BABAM2: variants seen among roughly 807,000 people sequenced by gnomAD.
The protein encoded by BABAM2 is BRISC and BRCA1-A complex member 2.
BABAM2 carries 31 observed loss-of-function variants against 54.7 expected under a neutral mutation model. The observed-to-expected ratio is 0.57, with a 90% CI of 0.43 to 0.77. The LOEUF (loss-of-function observed/expected upper bound fraction) is 0.77, where lower values mean the gene tolerates loss of function less well. Ranked by LOEUF, BABAM2 falls within the 30% of genes least tolerant of loss-of-function variation. BABAM2 has a pLI of 0.00. For synonymous variants in BABAM2, 167 were observed against 162.9 expected (o/e 1.03, Z -0.19); for missense variants, 364 against 455.8 (o/e 0.80, Z 1.83).
In BABAM2 at chr2:27,995,650, G is replaced by T. The variant is rs1272545907; in HGVS notation, c.300+7563G>T. ...GCTAGAGTGGAGTGGCTCAATCTCG[G>T]CTCACTGCAAGCTCCGCCTCCCGGG... On this transcript the variant is annotated intron_variant, in intron 4 of 11. Transcript: ENST00000379624. The surrounding 1 kb of genome is among the most constrained non-coding windows in gnomAD (Gnocchi z 4.1). 6.6e-6 allele frequency among the ~76,000 whole-genome samples: 1 copy of T among 152,050 alleles called. No homozygotes were observed. Among genetic ancestry groups the T allele is most frequent in the Non-Finnish European group, 1.5e-5 (1 of 68,010 alleles).
At chr2:27,955,841 A>T (rs1670043116) in intron 3 of BABAM2, among the ~76,000 whole-genome samples, 7 of 152,096 alleles carry the variant, frequency 4.6e-5, no homozygotes, top group Non-Finnish European at 1.5e-5. Flanking sequence ...CTTTTTTTGG[A>T]CTATTTAATG....
chr2:28,014,607 C>CTT (rs879108202), intron 4 of BABAM2, among the ~76,000 whole-genome samples: 4 of 124,062 alleles, frequency 3.2e-5, no homozygotes, highest in Admixed American at 8.0e-5. Flanking sequence ...CTTTCTTTTT[C>CTT]TTTTTTTTTT....
intron 3 of BABAM2, among the ~76,000 whole-genome samples, chr2:27,944,198 A>G (rs1669130680): frequency 6.6e-6 from 1 of 152,286 alleles, no homozygotes; most frequent in African/African-American, 2.4e-5. Flanking sequence ...GTCAGAATTT[A>G]TATCCCACTC....
At chr2:28,228,709 G>A (rs1165991097) in intron 7 of BABAM2, among the ~76,000 whole-genome samples, 2 of 152,090 alleles carry the variant, frequency 1.3e-5, no homozygotes, top group African/African-American at 4.8e-5. Flanking sequence ...GAGTGACTGG[G>A]CATCATTACA....
At chr2:28,242,719 A>C (rs945760635) in intron 9 of BABAM2, among the ~76,000 whole-genome samples, 1 of 152,130 alleles carries the variant, frequency 6.6e-6, no homozygotes, top group African/African-American at 2.4e-5. Context: ...ATTATAAGAA[A>C]ATTTCTGACT....
intron 7 of BABAM2, among the ~76,000 whole-genome samples, chr2:28,134,216 A>C (rs1327362582): frequency 2.0e-5 from 3 of 152,134 alleles, no homozygotes; most frequent in Non-Finnish European, 2.9e-5. Context: ...AAAAAAAAAA[A>C]AAAAAGCTAG....
intron 11 of BABAM2, among the ~76,000 whole-genome samples, chr2:28,316,447 G>A (rs1437199122): frequency 8.1e-5 from 12 of 148,758 alleles, no homozygotes; most frequent in East Asian, 2.0e-4. Context: ...GGTGGGAGTC[G>A]GGGGTGAAGC....
intron 4 of BABAM2, among the ~76,000 whole-genome samples, chr2:28,016,850 T>A (rs1217543671): frequency 6.6e-6 from 1 of 152,222 alleles, no homozygotes. Flanking sequence ...TTGTTCGTAA[T>A]AGTTGAAATT....
chr2:28,324,507 C>T (rs1690278546), intron 11 of BABAM2, among the ~76,000 whole-genome samples: 1 of 151,718 alleles, frequency 6.6e-6, no homozygotes, highest in Non-Finnish European at 1.5e-5. Flanking sequence ...GGCATGGTGG[C>T]TCACACCTAT....
intron 7 of BABAM2, among the ~76,000 whole-genome samples, chr2:28,200,994 C>G (rs1678206943): frequency 1.3e-5 from 2 of 152,274 alleles, no homozygotes; most frequent in South Asian, 4.1e-4. Context: ...TGGTCTCAAA[C>G]TCCTGACCTC....
intron 6 of BABAM2, among the ~76,000 whole-genome samples, chr2:28,096,994 T>A (rs542288319): frequency 1.3e-5 from 2 of 152,274 alleles, no homozygotes; most frequent in East Asian, 3.9e-4. Context: ...CTGTTTTCTG[T>A]GGGTTGGGAT....
intron 11 of BABAM2, among the ~76,000 whole-genome samples, chr2:28,326,292 G>C (rs1271779262): frequency 6.6e-6 from 1 of 152,150 alleles, no homozygotes; most frequent in African/African-American, 2.4e-5. Context: ...CCCCACCCCA[G>C]GCAGCCACGT....
chr2:28,238,967 CAGTA>C (rs1311150534), intron 8 of BABAM2, among the ~76,000 whole-genome samples: 1 of 152,094 alleles, frequency 6.6e-6, no homozygotes, highest in African/African-American at 2.4e-5. Context: ...CAAATGAGGA[CAGTA>C]TGGGCTGCTT....
chr2:28,145,794 CT>C (rs1416191772), intron 7 of BABAM2, among the ~76,000 whole-genome samples: 1 of 152,168 alleles, frequency 6.6e-6, no homozygotes, highest in East Asian at 1.9e-4. Context: ...ATGGATTTGC[CT>C]GTTCTGGACA....
chr2:28,100,041 T>A (rs1467385995), intron 6 of BABAM2, among the ~76,000 whole-genome samples: 1 of 152,210 alleles, frequency 6.6e-6, no homozygotes, highest in Non-Finnish European at 1.5e-5. Context: ...CTTCATTTTG[T>A]TTTTTGTCTT....
chr2:28,245,614 C>T (rs1358505050), intron 10 of BABAM2, among the ~76,000 whole-genome samples: 1 of 152,184 alleles, frequency 6.6e-6, no homozygotes, highest in Non-Finnish European at 1.5e-5. Flanking sequence ...TGCAAGTCAA[C>T]TGAGACCTTC....
intron 7 of BABAM2, among the ~76,000 whole-genome samples, chr2:28,146,624 G>A (rs2147762629): frequency 6.6e-6 from 1 of 152,214 alleles, no homozygotes; most frequent in South Asian, 2.1e-4. Context: ...ACCATCAGTG[G>A]GGCCACTGTA....
chr2:28,142,183 A>C (rs2147747217), intron 7 of BABAM2, among the ~76,000 whole-genome samples: 1 of 152,304 alleles, frequency 6.6e-6, no homozygotes, highest in Admixed American at 6.5e-5. Context: ...GGGATTAATG[A>C]TCATATTGGA....
At chr2:28,063,896 G>A (rs1297821569) in intron 6 of BABAM2, among the ~76,000 whole-genome samples, 1 of 152,090 alleles carries the variant, frequency 6.6e-6, no homozygotes, top group Non-Finnish European at 1.5e-5. Flanking sequence ...GGAAACCTAA[G>A]CTCAGAGAAG....
Sources: gnomAD v4.1 joint callset for allele counts (sites outside exome capture counted in the v4.1 genomes callset) on GRCh38, gnomAD v4.1.1 for gene constraint, Gnocchi (gnomAD v3.1) non-coding constraint, MANE v1.5 for transcripts, NCBI Gene and HGNC (gene_info 2026-07-23, HGNC 2026-07-21) for gene names.